PCNX1: variants seen among roughly 807,000 people sequenced by gnomAD.
PCNX1 encodes pecanex-like protein 1.
PCNX1 carries 78 observed loss-of-function variants against 242.2 expected under a neutral mutation model. The observed-to-expected ratio is 0.32, with a 90% CI of 0.27 to 0.39. The LOEUF (loss-of-function observed/expected upper bound fraction) is 0.39. Among genes scored for constraint, PCNX1 ranks in the 10% least tolerant of loss-of-function variants. PCNX1 has a pLI of 1.00. For missense variants in PCNX1, 2,581 were observed against 2,856.5 expected (o/e 0.90, Z 2.20); for synonymous variants, 1,024 against 1,032.9 (o/e 0.99, Z 0.17).
At chr14:71,059,728 C>T (rs765348676) in intron 26 of PCNX1, among the ~76,000 whole-genome samples, 7 of 152,060 alleles carry the variant, frequency 4.6e-5, no homozygotes, top group African/African-American at 9.7e-5. Flanking sequence ...TCATGGCATT[C>T]GCACGCTTAC....
chr14:70,947,151 C>G (rs766033036), intron 2 of PCNX1, 28 bp downstream of exon 2: 1 of 1,439,176 alleles, frequency 6.9e-7, no homozygotes. Flanking sequence ...ATTGATTGAT[C>G]GTAATGATTT....
chr14:71,085,709 G>C (rs2061971514), intron 28 of PCNX1: 1 of 230,124 alleles, frequency 4.3e-6, no homozygotes, highest in Non-Finnish European at 8.8e-6. Context: ...TTCTACTTTT[G>C]GATAGGTGTC....
chr14:70,925,202 T>C (rs2140119959), intron 1 of PCNX1, among the ~76,000 whole-genome samples: 1 of 152,284 alleles, frequency 6.6e-6, no homozygotes, highest in South Asian at 2.1e-4. Context: ...TTGGCCAGGC[T>C]GGTCTTGGAC....
chr14:71,066,856 A>G (rs754102260), intron 26 of PCNX1, among the ~76,000 whole-genome samples: 3 of 152,324 alleles, frequency 2.0e-5, no homozygotes, highest in South Asian at 4.1e-4. Flanking sequence ...TTCTGCATCT[A>G]TTGAGATAAT....
At chr14:70,965,919 T>TA (rs1281176594) in intron 3 of PCNX1, among the ~76,000 whole-genome samples, 1 of 152,178 alleles carries the variant, frequency 6.6e-6, no homozygotes, top group Non-Finnish European at 1.5e-5. Flanking sequence ...AGCACTTAAA[T>TA]AAAAAACTTC....
intron 19 of PCNX1, among the ~76,000 whole-genome samples, chr14:71,043,610 T>C (rs902706633): frequency 1.3e-5 from 2 of 152,062 alleles, no homozygotes; most frequent in Non-Finnish European, 2.9e-5. Flanking sequence ...AATCTATTGT[T>C]GAAGTTCTTG....
At chr14:70,967,644 T>A (rs1471171243) in intron 3 of PCNX1, among the ~76,000 whole-genome samples, 1 of 152,212 alleles carries the variant, frequency 6.6e-6, no homozygotes, top group Non-Finnish European at 1.5e-5. Flanking sequence ...CCTTAGACTT[T>A]TATTGATTTA....
At chr14:70,922,634 G>A (rs2056422322) in intron 1 of PCNX1, among the ~76,000 whole-genome samples, 1 of 151,868 alleles carries the variant, frequency 6.6e-6, no homozygotes, top group Admixed American at 6.6e-5. Context: ...ATAGCCAATG[G>A]GATTATATTT....
At chr14:70,932,413 A>G (rs915681985) in intron 1 of PCNX1, among the ~76,000 whole-genome samples, 1 of 152,032 alleles carries the variant, frequency 6.6e-6, no homozygotes, top group Non-Finnish European at 1.5e-5. Context: ...TTTACTTTCT[A>G]TGATTTTTCT....
chr14:71,005,309 G>T (rs144585501), intron 8 of PCNX1, among the ~76,000 whole-genome samples: 2 of 152,110 alleles, frequency 1.3e-5, no homozygotes, highest in Non-Finnish European at 2.9e-5. Flanking sequence ...TTCGAGACCA[G>T]CCTGGGCAGC....
chr14:70,948,429 G>T (rs1037160547), intron 2 of PCNX1, among the ~76,000 whole-genome samples: 7 of 152,028 alleles, frequency 4.6e-5, no homozygotes, highest in Admixed American at 2.6e-4. Flanking sequence ...TTGGGGGCTG[G>T]TTCCCCTGAT....
chr14:70,917,458 A>G (rs549392855), intron 1 of PCNX1, among the ~76,000 whole-genome samples: 15 of 152,368 alleles, frequency 9.8e-5, no homozygotes, highest in Middle Eastern at 3.4e-3. Context: ...TGAAAACAAC[A>G]TTAATTTTCT....
At chr14:70,975,782 T>G (rs1357577504) in intron 5 of PCNX1, among the ~76,000 whole-genome samples, 1 of 151,966 alleles carries the variant, frequency 6.6e-6, no homozygotes, top group African/African-American at 2.4e-5. Context: ...GATACATTGA[T>G]TTATATCTAT....
chr14:70,928,901 G>A (rs1465304063), intron 1 of PCNX1, among the ~76,000 whole-genome samples: 2 of 152,038 alleles, frequency 1.3e-5, no homozygotes, highest in Non-Finnish European at 2.9e-5. Flanking sequence ...TACACTTTTG[G>A]CTTGCTGCTA....
At chr14:70,986,857 ATAGT>A (rs2059016607) in intron 6 of PCNX1, among the ~76,000 whole-genome samples, 1 of 152,258 alleles carries the variant, frequency 6.6e-6, no homozygotes, top group Admixed American at 6.5e-5. Flanking sequence ...TAATAGCATA[ATAGT>A]TTGTAACAAC....
chr14:71,046,019 T>A (rs1000555381), intron 20 of PCNX1, among the ~76,000 whole-genome samples: 1 of 152,136 alleles, frequency 6.6e-6, no homozygotes, highest in African/African-American at 2.4e-5. Flanking sequence ...TACCAATGAT[T>A]AAATAAGCCA....
At position 71,113,863 on chromosome 14, in the gene PCNX1, G is replaced by A. The variant is rs2062802317; in HGVS notation, c.*3928G>A. On this transcript the variant is annotated 3_prime_UTR_variant, in exon 36 of 36. Coordinates refer to ENST00000304743, the MANE Select transcript of PCNX1 (RefSeq NM_014982.3). ...AAAGCCTTTTCTGGGGTGTGTGTGTGTGTGTATGTTTGTTTTTTAAGTCGT... is the reference window on the plus strand; with the variant it reads ...AAAGCCTTTTCTGGGGTGTGTGTGTATGTGTATGTTTGTTTTTTAAGTCGT... 6.6e-6 allele frequency: 1 copy of A among 152,170 alleles called. No homozygotes were observed. Among genetic ancestry groups the A allele is most frequent in the East Asian group, 1.9e-4 (1 of 5,204 alleles). 9.4% of individuals were successfully genotyped at this position (152,170 alleles called of 1,614,324 possible).
intron 2 of PCNX1, among the ~76,000 whole-genome samples, chr14:70,956,815 T>C (rs1178658958): frequency 6.6e-6 from 1 of 152,204 alleles, no homozygotes; most frequent in Non-Finnish European, 1.5e-5. Flanking sequence ...CTCTGAGACG[T>C]TAGGCAAGTT....
rs540621053 is a variant in PCNX1 at position 71,111,285 on chromosome 14, T to G, written c.*1350T>G. 3 of 152,770 alleles carry G rather than the reference T, an allele frequency of 2.0e-5. No individual in the cohort carries two copies. The highest frequency in any genetic ancestry group is 7.2e-5 in the African/African-American group (3 of 41,580). 9.5% of individuals were successfully genotyped at this position (152,770 alleles called of 1,614,324 possible). A position where few individuals can be genotyped will look rare whatever the true frequency, so the allele number is the denominator to read the frequency against. On this transcript the variant is annotated 3_prime_UTR_variant, in exon 36 of 36. Transcript: ENST00000304743. ...ATTTAATTTGCAACTCTTAGCATTT[T>G]TTAAATCCTTGATAAAATTTTCCCT...
Sources: allele counts gnomAD v4.1 joint callset (sites outside exome capture counted in the v4.1 genomes callset), GRCh38; gene constraint gnomAD v4.1.1; transcripts MANE v1.5; gene names NCBI Gene and HGNC (gene_info 2026-07-23, HGNC 2026-07-21).